The following KLHL1 variants were observed in gnomAD, a reference collection of about 807,000 sequenced individuals.
KLHL1 encodes kelch like family member 1, also known as kelch-like protein 1.
KLHL1 carries 47 observed loss-of-function variants against 77.7 expected under a neutral mutation model. The ratio of observed to expected loss-of-function variants is 0.60; its 90% CI spans 0.48 to 0.77. The LOEUF (loss-of-function observed/expected upper bound fraction) is 0.77. Among genes scored for constraint, KLHL1 ranks in the 30% least tolerant of loss-of-function variants. KLHL1 has a pLI of 0.00. For synonymous variants in KLHL1, 360 were observed against 325.2 expected (o/e 1.11, Z -1.15); for missense variants, 925 against 910.8 (o/e 1.02, Z -0.20).
At chr13:69,745,480 T>G (rs559269228) in intron 7 of KLHL1, among the ~76,000 whole-genome samples, 2 of 151,980 alleles carry the variant, frequency 1.3e-5, no homozygotes, top group African/African-American at 4.8e-5. Context: ...TGTCTTTTGA[T>G]GAAAAGGAGT....
At chr13:69,862,039 T>C (rs975593878) in intron 5 of KLHL1, among the ~76,000 whole-genome samples, 2 of 148,298 alleles carry the variant, frequency 1.3e-5, no homozygotes, top group Non-Finnish European at 3.0e-5. Context: ...ATACTTGAAG[T>C]TGATTAGCAA....
At chr13:69,843,394 T>C (rs1280513998) in intron 5 of KLHL1, among the ~76,000 whole-genome samples, 1 of 151,672 alleles carries the variant, frequency 6.6e-6, no homozygotes, top group Non-Finnish European at 1.5e-5. Flanking sequence ...AAAAGTAGAC[T>C]CATGACATAG....
chr13:69,746,927 A>G (rs1032628802), intron 7 of KLHL1, among the ~76,000 whole-genome samples: 2 of 152,178 alleles, frequency 1.3e-5, no homozygotes, highest in Middle Eastern at 3.4e-3. Flanking sequence ...CTCCATAAAA[A>G]GGTTAAACTC....
chr13:69,898,036 G>A (rs1392754363), intron 4 of KLHL1, among the ~76,000 whole-genome samples: 1 of 152,168 alleles, frequency 6.6e-6, no homozygotes, highest in African/African-American at 2.4e-5. Flanking sequence ...AGAAAGTGCA[G>A]CAAAGAAGTG....
At chr13:69,747,008 T>C (rs1874243922) in intron 7 of KLHL1, among the ~76,000 whole-genome samples, 1 of 152,142 alleles carries the variant, frequency 6.6e-6, no homozygotes, top group South Asian at 2.1e-4. Context: ...ATTTTTTGAC[T>C]GAAGAAAGAA....
At chr13:69,956,083 T>TA (rs1883871939) in intron 3 of KLHL1, among the ~76,000 whole-genome samples, 1 of 116,708 alleles carries the variant, frequency 8.6e-6, no homozygotes, top group Non-Finnish European at 1.7e-5. Flanking sequence ...GATATATATA[T>TA]TTTTATATAT....
At chr13:69,706,456 G>A (rs545219364) in intron 10 of KLHL1, among the ~76,000 whole-genome samples, 57 of 151,812 alleles carry the variant, frequency 3.8e-4, no homozygotes, top group Non-Finnish European at 6.6e-4. Flanking sequence ...CAAAATCAAG[G>A]AAATCATGTT....
At chr13:70,008,841 A>T (rs1236902057) in intron 1 of KLHL1, among the ~76,000 whole-genome samples, 1 of 152,136 alleles carries the variant, frequency 6.6e-6, no homozygotes, top group Non-Finnish European at 1.5e-5. Context: ...AAATTAATTA[A>T]TTTTCATTGA....
At chr13:69,857,551 T>C (rs1439818814) in intron 5 of KLHL1, among the ~76,000 whole-genome samples, 3 of 152,086 alleles carry the variant, frequency 2.0e-5, no homozygotes, top group Non-Finnish European at 4.4e-5. Flanking sequence ...CTCACAAGAA[T>C]ATGTATTTCC....
chr13:70,088,608 A>G (rs1482642959), intron 1 of KLHL1, among the ~76,000 whole-genome samples: 6 of 152,160 alleles, frequency 3.9e-5, no homozygotes, highest in Non-Finnish European at 7.3e-5. Flanking sequence ...ACTTGAGCCC[A>G]GGAGTTGGAC....
chr13:69,898,843 C>A (rs567370158), intron 4 of KLHL1, among the ~76,000 whole-genome samples: 2 of 152,154 alleles, frequency 1.3e-5, no homozygotes, highest in African/African-American at 4.8e-5. Context: ...GGATTCAATG[C>A]CACATGTGGC....
chr13:69,944,133 A>C (rs930926171), intron 3 of KLHL1, among the ~76,000 whole-genome samples: 4 of 152,200 alleles, frequency 2.6e-5, no homozygotes, highest in Admixed American at 6.5e-5. Flanking sequence ...AAATCGACTC[A>C]CTGTGCCTAA....
chr13:69,797,760 C>T (rs1411019218), intron 6 of KLHL1, among the ~76,000 whole-genome samples: 1 of 149,258 alleles, frequency 6.7e-6, no homozygotes, highest in African/African-American at 2.5e-5. Context: ...ACCCGGGAGG[C>T]GGCGCTTGCA....
rs113310002 is a variant in KLHL1, at chr13:70,104,036, T to A, written c.497+3167A>T. Among the ~76,000 whole-genome samples the A allele has an allele frequency of 1.2e-4, 18 of 152,278 alleles. 1 individual carries two copies. Among genetic ancestry groups the A allele is most frequent in the African/African-American group, 4.3e-4 (18 of 41,572 alleles). On this transcript the variant is annotated intron_variant, in intron 1 of 10. Transcript: ENST00000377844. ...CAAGCAGTTAAAACATGACATGTCTTCTCCCACTCACATCACTATAAAATG... is the reference window on the plus strand; with the variant it reads ...CAAGCAGTTAAAACATGACATGTCTACTCCCACTCACATCACTATAAAATG...
chr13:70,082,954 T>C (rs1887432675), intron 1 of KLHL1, among the ~76,000 whole-genome samples: 1 of 152,100 alleles, frequency 6.6e-6, no homozygotes, highest in Non-Finnish European at 1.5e-5. Context: ...GTGGGAACAA[T>C]AGACACTAGA....
chr13:69,854,910 T>G (rs913863218), intron 5 of KLHL1, among the ~76,000 whole-genome samples: 5 of 152,002 alleles, frequency 3.3e-5, no homozygotes, highest in Admixed American at 2.6e-4. Context: ...TACCTATTTT[T>G]GAAATGGTGC....
chr13:69,886,078 T>C (rs1593917899), intron 4 of KLHL1, among the ~76,000 whole-genome samples: 1 of 152,104 alleles, frequency 6.6e-6, no homozygotes, highest in African/African-American at 2.4e-5. Context: ...GAGATAATAA[T>C]GGAGTAGAGG....
intron 7 of KLHL1, among the ~76,000 whole-genome samples, chr13:69,766,043 CTCTA>C (rs1234646137): frequency 6.6e-6 from 1 of 152,224 alleles, no homozygotes; most frequent in Non-Finnish European, 1.5e-5. Flanking sequence ...CTTCAGCAAT[CTCTA>C]TTACATGTGC....
intron 4 of KLHL1, among the ~76,000 whole-genome samples, chr13:69,934,188 A>G (rs1883094937): frequency 6.6e-6 from 1 of 152,130 alleles, no homozygotes; most frequent in African/African-American, 2.4e-5. Context: ...TTTAAACTTT[A>G]TGTGTGCCAT....
Sources: allele counts gnomAD v4.1 joint callset (sites outside exome capture counted in the v4.1 genomes callset), GRCh38; gene constraint gnomAD v4.1.1; transcripts MANE v1.5; gene names NCBI Gene and HGNC (gene_info 2026-07-23, HGNC 2026-07-21).